Variants in GPC5 observed in about 807,000 individuals in gnomAD.
GPC5 encodes the protein glypican 5.
A neutral mutation model predicts 53.9 loss-of-function variants in GPC5; 47 were observed. The ratio of observed to expected loss-of-function variants is 0.87; its 90% CI spans 0.69 to 1.11. The LOEUF is 1.11. GPC5 is among the 50% of genes most tolerant of loss of function. The pLI is 0.00. For synonymous variants in GPC5, 286 were observed against 263.3 expected, an observed-to-expected ratio of 1.09 and a Z score of -0.84; for missense variants, 748 against 713.1, an observed-to-expected ratio of 1.05 and a Z score of -0.56.
chr13:92,281,581 C>T (rs1243611538), intron 7 of GPC5, among the ~76,000 whole-genome samples: 1 of 152,180 alleles, frequency 6.6e-6, no homozygotes, highest in South Asian at 2.1e-4. Context: ...GCAGCATTTG[C>T]TCTTCAGCAA....
At chr13:92,232,625 C>T (rs1445739904) in intron 7 of GPC5, among the ~76,000 whole-genome samples, 1 of 152,112 alleles carries the variant, frequency 6.6e-6, no homozygotes, top group Non-Finnish European at 1.5e-5. Flanking sequence ...AAGTGTTGAA[C>T]TGACTATAAA....
intron 7 of GPC5, among the ~76,000 whole-genome samples, chr13:92,647,115 T>C (rs574063873): frequency 1.3e-5 from 2 of 152,206 alleles, no homozygotes; most frequent in East Asian, 3.9e-4. Context: ...TATCTTTTCT[T>C]CTTCCCTTAT....
At chr13:92,158,513 T>A (rs1045106280) in intron 7 of GPC5, among the ~76,000 whole-genome samples, 1 of 152,080 alleles carries the variant, frequency 6.6e-6, no homozygotes, top group Non-Finnish European at 1.5e-5. Context: ...TTCCTTTTTT[T>A]TTTTCTTCTG....
chr13:92,150,439 T>C (rs2041899077), intron 7 of GPC5, among the ~76,000 whole-genome samples: 1 of 152,046 alleles, frequency 6.6e-6, no homozygotes, highest in Non-Finnish European at 1.5e-5. Flanking sequence ...TAGTTTAATA[T>C]GTGATCACTA....
chr13:91,983,149 TC>T (rs370834015), intron 6 of GPC5, among the ~76,000 whole-genome samples: 16 of 151,800 alleles, frequency 1.1e-4, no homozygotes, highest in African/African-American at 3.6e-4. Context: ...ATCGAGACCA[TC>T]CTGGCTAACA....
At chr13:91,969,906 T>C (rs1016868039) in intron 6 of GPC5, among the ~76,000 whole-genome samples, 1 of 152,126 alleles carries the variant, frequency 6.6e-6, no homozygotes, top group Admixed American at 6.5e-5. Flanking sequence ...GGACCTCTTA[T>C]ACGCACTGTT....
At chr13:92,470,595 C>A (rs1447797251) in intron 7 of GPC5, among the ~76,000 whole-genome samples, 3 of 152,124 alleles carry the variant, frequency 2.0e-5, no homozygotes, top group Admixed American at 1.3e-4. Context: ...GCAGAAGGTG[C>A]CTGGCCTCAC....
At chr13:92,768,751 A>G (rs1371435345) in intron 7 of GPC5, among the ~76,000 whole-genome samples, 4 of 150,148 alleles carry the variant, frequency 2.7e-5, no homozygotes, top group African/African-American at 7.4e-5. Flanking sequence ...CTCATAATTC[A>G]TATTCTCATC....
At chr13:92,182,551 T>C (rs1365269303) in intron 7 of GPC5, among the ~76,000 whole-genome samples, 1 of 152,190 alleles carries the variant, frequency 6.6e-6, no homozygotes, top group Non-Finnish European at 1.5e-5. Flanking sequence ...TATTTAGTAA[T>C]TTTTCAAAAA....
intron 2 of GPC5, among the ~76,000 whole-genome samples, chr13:91,525,420 T>C (rs2138620715): frequency 6.6e-6 from 1 of 152,360 alleles, no homozygotes; most frequent in East Asian, 1.9e-4. Flanking sequence ...TAGGAGCTTA[T>C]GCAGTGATTA....
chr13:91,556,436 A>G (rs1200028639), intron 2 of GPC5, among the ~76,000 whole-genome samples: 1 of 151,920 alleles, frequency 6.6e-6, no homozygotes, highest in Non-Finnish European at 1.5e-5. Flanking sequence ...ACCCATGTTT[A>G]TAGCAGCACA....
intron 2 of GPC5, among the ~76,000 whole-genome samples, chr13:91,488,004 A>G (rs1303236328): frequency 2.0e-5 from 3 of 151,842 alleles, no homozygotes; most frequent in Non-Finnish European, 4.4e-5. Context: ...AAGATAGCAT[A>G]CTTGGAGAAA....
chr13:91,652,415 T>C (rs780531145), intron 2 of GPC5, among the ~76,000 whole-genome samples: 2 of 152,230 alleles, frequency 1.3e-5, no homozygotes, highest in Non-Finnish European at 2.9e-5. Context: ...AAGTACTTTA[T>C]GGCTTCTCTT....
chr13:92,445,266 T>C (rs1278682349), intron 7 of GPC5, among the ~76,000 whole-genome samples: 1 of 151,282 alleles, frequency 6.6e-6, no homozygotes, highest in Non-Finnish European at 1.5e-5. Flanking sequence ...TCTCTCTTTT[T>C]TTTTTTAACA....
At chr13:92,400,037 G>A (rs1396707358) in intron 7 of GPC5, among the ~76,000 whole-genome samples, 1 of 152,148 alleles carries the variant, frequency 6.6e-6, no homozygotes, top group East Asian at 1.9e-4. Context: ...GTCAGCCCTG[G>A]CTTGTGGGAG....
At chr13:91,908,130 T>C in intron 6 of GPC5, 73 bp downstream of exon 6, 1 of 1,187,426 alleles carries the variant, frequency 8.4e-7, no homozygotes, top group South Asian at 1.7e-5. Context: ...TTATATTTGA[T>C]AAATTTGTTA....
intron 7 of GPC5, among the ~76,000 whole-genome samples, chr13:92,358,726 T>C (rs2043542663): frequency 6.6e-6 from 1 of 151,708 alleles, no homozygotes; most frequent in Non-Finnish European, 1.5e-5. Context: ...CTGAGACATA[T>C]CTGAAGTCTT....
chr13:92,026,463 T>G (rs1347738503), intron 6 of GPC5, among the ~76,000 whole-genome samples: 1 of 151,090 alleles, frequency 6.6e-6, no homozygotes, highest in Admixed American at 6.6e-5. Flanking sequence ...CTTTTTTTTT[T>G]TTGTACTGAG....
chr13:92,014,390 C>T (rs753776189), intron 6 of GPC5, among the ~76,000 whole-genome samples: 22 of 152,300 alleles, frequency 1.4e-4, no homozygotes, highest in Non-Finnish European at 2.4e-4. Flanking sequence ...AGCCTGCCCA[C>T]GTTGTTGTTG....
Sources: gnomAD v4.1 joint callset for allele counts (sites outside exome capture counted in the v4.1 genomes callset) on GRCh38, gnomAD v4.1.1 for gene constraint, MANE v1.5 for transcripts, NCBI Gene and HGNC (gene_info 2026-07-23, HGNC 2026-07-21) for gene names.